Variants in CLMN observed in about 807,000 individuals in gnomAD.
The protein encoded by CLMN is calmin, also known as calmin (calponin-like, transmembrane).
Under a neutral mutation model 92.7 loss-of-function variants are expected in CLMN, and 57 were observed. The ratio of observed to expected loss-of-function variants is 0.61; its 90% CI spans 0.50 to 0.77. The LOEUF is 0.77. CLMN is among the 30% of genes least tolerant of loss of function. The pLI is 0.00. For missense variants in CLMN, 1,158 were observed against 1,237.5 expected (o/e 0.94, Z 0.96); for synonymous variants, 466 against 470.6 (o/e 0.99, Z 0.13).
chr14:95,257,699 CT>C (rs1479237316), intron 1 of CLMN, among the ~76,000 whole-genome samples: 3 of 152,226 alleles, frequency 2.0e-5, no homozygotes, highest in African/African-American at 7.2e-5. Flanking sequence ...GGGTGCGGAG[CT>C]ACCATGTTCT....
At chr14:95,272,429 GTCAGCCATTCA>G (rs1335647436) in intron 1 of CLMN, among the ~76,000 whole-genome samples, 1 of 152,194 alleles carries the variant, frequency 6.6e-6, no homozygotes, top group Non-Finnish European at 1.5e-5. Context: ...CAGAGATGAA[GTCAGCCATTCA>G]TCCACATGCT....
Position 95,294,860 on chromosome 14 carries a change from G to A in CLMN, c.82+24851C>T, listed in dbSNP as rs917101086. 6.6e-6 allele frequency among the ~76,000 whole-genome samples: 1 copy of A among 152,182 alleles called. No homozygotes were observed. The highest frequency in any genetic ancestry group is 1.5e-5 in the Non-Finnish European group (1 of 68,026). On this transcript the variant is annotated intron_variant, in intron 1 of 12. Transcript: ENST00000298912. This position sits in a 1 kb window ranked among gnomAD's most constrained non-coding sequence, Gnocchi z 4.2. Reference sequence around the variant, plus strand: ...TCTGCTGCCTCCTACTCTTGCTCCCGCTCCTTAGCTGTGGTTTTGGCCAGG... The same window carrying A: ...TCTGCTGCCTCCTACTCTTGCTCCCACTCCTTAGCTGTGGTTTTGGCCAGG...
chr14:95,230,739 C>A (rs565825091), intron 1 of CLMN, among the ~76,000 whole-genome samples: 1 of 152,204 alleles, frequency 6.6e-6, no homozygotes, highest in Non-Finnish European at 1.5e-5. Flanking sequence ...TCTAAGGATA[C>A]CCAGGCTCCT....
intron 1 of CLMN, among the ~76,000 whole-genome samples, chr14:95,289,128 G>A (rs1397084467): frequency 6.6e-6 from 1 of 152,178 alleles, no homozygotes; most frequent in Non-Finnish European, 1.5e-5. Context: ...ATGGGTGTGT[G>A]CACACATCAC....
At chr14:95,277,545 C>G in intron 1 of CLMN, among the ~76,000 whole-genome samples, 1 of 150,418 alleles carries the variant, frequency 6.6e-6, no homozygotes, top group East Asian at 1.9e-4. Flanking sequence ...GTTGATTGCT[C>G]TAGGCTCCTT....
intron 4 of CLMN, among the ~76,000 whole-genome samples, chr14:95,220,454 G>A (rs1169753081): frequency 6.6e-6 from 1 of 152,198 alleles, no homozygotes; most frequent in Non-Finnish European, 1.5e-5. Context: ...TGGGATTACA[G>A]GCGTGAGCCA....
At chr14:95,285,909 T>C (rs927597153) in intron 1 of CLMN, among the ~76,000 whole-genome samples, 1 of 152,184 alleles carries the variant, frequency 6.6e-6, no homozygotes, top group African/African-American at 2.4e-5. Flanking sequence ...TCAAAATCCT[T>C]CTGCACTCAG....
rs1020844556 is a variant in CLMN, at chr14:95,190,216, T to C, written c.*1348A>G. On this transcript the variant is annotated 3_prime_UTR_variant, in exon 13 of 13. Transcript: ENST00000298912. ...TGTGGACATTTTAATCTAGTCATTT[T>C]ATCTTTTTCTCAGGACATTGGTGTG... 1 of 152,240 alleles carries C rather than the reference T, an allele frequency of 6.6e-6. No homozygotes were observed. The highest frequency in any genetic ancestry group is 1.5e-5 in the Non-Finnish European group (1 of 68,048). 9.4% of individuals were successfully genotyped at this position (152,240 alleles called of 1,614,324 possible).
At position 95,259,518 on chromosome 14, in the gene CLMN, C is replaced by T. The variant is rs1484773192; in HGVS notation, c.83-29385G>A. Among the ~76,000 whole-genome samples, 1 of 152,106 alleles carries T rather than the reference C, an allele frequency of 6.6e-6. No individual in the cohort carries two copies. Among genetic ancestry groups the T allele is most frequent in the African/African-American group, 2.4e-5 (1 of 41,406 alleles). On this transcript the variant is annotated intron_variant, in intron 1 of 12. Transcript: ENST00000298912. The surrounding 1 kb of genome is among the most constrained non-coding windows in gnomAD (Gnocchi z 4.3). ...GTTTCAAGAAACATCTGGGAGGAAA[C>T]GAGACAGGCTGTAGTTCCCACAGAG...
At chr14:95,274,667 T>G (rs539117478) in intron 1 of CLMN, among the ~76,000 whole-genome samples, 27 of 152,328 alleles carry the variant, frequency 1.8e-4, no homozygotes, top group Admixed American at 3.9e-4. Context: ...CATTCTTGTG[T>G]GTGTCTTGCA....
chr14:95,251,803 G>A (rs1250238477), intron 1 of CLMN, among the ~76,000 whole-genome samples: 3 of 152,186 alleles, frequency 2.0e-5, no homozygotes, highest in Admixed American at 6.5e-5. Flanking sequence ...TTGGAGTGCT[G>A]GAGCTCCTCA....
intron 1 of CLMN, among the ~76,000 whole-genome samples, chr14:95,245,238 TTATATATATATATATAATATATATATA>T: frequency 3.5e-5 from 1 of 28,178 alleles, no homozygotes; most frequent in Admixed American, 5.3e-4. Flanking sequence ...TATATATATA[TTATATATATATATATAATATATATATA>T]TATATTATAT....
rs556673928 is a variant in CLMN at position 95,256,280 on chromosome 14, C to G, written c.83-26147G>C. ...ACAGCACTCCCTGCCTCCTTTAAAA[C>G]CCAGTTCTATTCACAAAAGAGCACA... On this transcript the variant is annotated intron_variant, in intron 1 of 12. Coordinates refer to ENST00000298912, the MANE Select transcript of CLMN (RefSeq NM_024734.4). This position sits in a 1 kb window ranked among gnomAD's most constrained non-coding sequence, Gnocchi z 4.9. Among the ~76,000 whole-genome samples the G allele has an allele frequency of 1.2e-4, 18 of 152,222 alleles. No homozygotes were observed. Among genetic ancestry groups the G allele is most frequent in the Non-Finnish European group, 2.5e-4 (17 of 68,042 alleles).
rs529379169 is a variant in CLMN, at chr14:95,279,600, G to A, written c.82+40111C>T. ...AGATCGAGACCATCCTGGCTAACAC[G>A]GTGAAACCCTGTCTCTACTAAAAAT... is the stretch of plus-strand genomic sequence containing the variant. On this transcript the variant is annotated intron_variant, in intron 1 of 12. Transcript: ENST00000298912. 1.4e-4 allele frequency among the ~76,000 whole-genome samples: 22 copies of A among 152,278 alleles called. No individual in the cohort carries two copies. The South Asian group carries it at 1.4e-3, about 10-fold the overall frequency.
intron 10 of CLMN, among the ~76,000 whole-genome samples, chr14:95,195,054 C>T (rs993097341): frequency 1.3e-5 from 2 of 152,192 alleles, no homozygotes; most frequent in African/African-American, 4.8e-5. Context: ...ACATTCCACC[C>T]AGTCCTAGCG....
Position 95,223,853 on chromosome 14 carries a change from G to A in CLMN, c.147C>T (p.Cys49=), listed in dbSNP as rs144215108. ...AATCTTTAACTTCTAGAGGTGGGTT[G>A]CACTTTGAAAGAGAAGGGAAGAAAG... The part of the protein sequence containing the change: ...TRWINLHLEK[C]NPPLEVKDLF... Residue 49 remains cysteine, a splice_region_variant and synonymous_variant, in exon 3 of 13, where the codon TGC becomes TGT. Transcript: ENST00000298912. 2 of 1,609,694 alleles carry A rather than the reference G, an allele frequency of 1.2e-6. No homozygotes were observed. The highest frequency in any genetic ancestry group is 8.5e-7 in the Non-Finnish European group (1 of 1,178,184).
At chr14:95,217,325 G>A (rs780662888) in intron 4 of CLMN, among the ~76,000 whole-genome samples, 8 of 151,964 alleles carry the variant, frequency 5.3e-5, no homozygotes, top group Non-Finnish European at 1.0e-4. Flanking sequence ...GTCTGACATG[G>A]GTCTCTGATC....
At chr14:95,310,942 C>T (rs1425575272) in intron 1 of CLMN, among the ~76,000 whole-genome samples, 2 of 152,138 alleles carry the variant, frequency 1.3e-5, no homozygotes, top group Non-Finnish European at 2.9e-5. Context: ...GGCAAAGAGC[C>T]CTGGTGGAGA....
In CLMN at chr14:95,194,652, G is replaced by GT; in HGVS notation, c.2709-57dup. The GT allele has an allele frequency of 6.5e-7, 1 of 1,538,014 alleles. No individual in the cohort carries two copies. The highest frequency in any genetic ancestry group is 9.0e-7 in the Non-Finnish European group (1 of 1,110,850). On this transcript the variant is annotated intron_variant, in intron 10 of 12. Coordinates refer to ENST00000298912, the MANE Select transcript of CLMN (RefSeq NM_024734.4). This position sits in a 1 kb window ranked among gnomAD's most constrained non-coding sequence, Gnocchi z 4.0. ...ACCACCTGGAGCTCTTCATGGCTCA[G>GT]TTGTACGGTCACCCCCATCCTGGGG...
Sources: gnomAD v4.1 joint callset for allele counts (sites outside exome capture counted in the v4.1 genomes callset) on GRCh38, gnomAD v4.1.1 for gene constraint, Gnocchi (gnomAD v3.1) non-coding constraint, MANE v1.5 for transcripts, NCBI Gene and HGNC (gene_info 2026-07-23, HGNC 2026-07-21) for gene names.